Variants in CTNNA2 observed in about 807,000 individuals in gnomAD.
CTNNA2 encodes the protein catenin alpha-2.
Under a neutral mutation model 101.0 loss-of-function variants are expected in CTNNA2, and 42 were observed. That is an observed-to-expected ratio of 0.42 (90% CI 0.32 to 0.54). The LOEUF (loss-of-function observed/expected upper bound fraction) is 0.54. CTNNA2 is among the 20% of genes least tolerant of loss of function. The pLI is 0.14. For missense variants in CTNNA2, 871 were observed against 1,223.1 expected (o/e 0.71, Z 4.29); for synonymous variants, 450 against 456.4 (o/e 0.99, Z 0.18).
intron 18 of CTNNA2, among the ~76,000 whole-genome samples, chr2:80,646,389 C>T (rs1006315601): frequency 6.6e-6 from 1 of 152,084 alleles, no homozygotes; most frequent in Admixed American, 6.6e-5. Flanking sequence ...TCAGACTATG[C>T]TCAAACATCC....
chr2:80,204,435 G>A (rs1395708222), intron 7 of CTNNA2, among the ~76,000 whole-genome samples: 3 of 152,116 alleles, frequency 2.0e-5, no homozygotes, highest in Non-Finnish European at 4.4e-5. Flanking sequence ...TCCCTCTCAA[G>A]TTCAAAGTTT....
intron 7 of CTNNA2, among the ~76,000 whole-genome samples, chr2:80,145,518 CT>C (rs1361774950): frequency 5.3e-5 from 8 of 152,192 alleles, no homozygotes; most frequent in African/African-American, 1.9e-4. Flanking sequence ...TGCCATGTGC[CT>C]ACTCCATATG....
chr2:80,077,025 G>A (rs183767510), intron 7 of CTNNA2, among the ~76,000 whole-genome samples: 27 of 152,198 alleles, frequency 1.8e-4, no homozygotes, highest in Admixed American at 1.3e-3. Flanking sequence ...CAGTCTGAGC[G>A]ACAGAGTGAG....
At chr2:80,172,051 A>G (rs1197512479) in intron 7 of CTNNA2, among the ~76,000 whole-genome samples, 1 of 152,168 alleles carries the variant, frequency 6.6e-6, no homozygotes, top group African/African-American at 2.4e-5. Flanking sequence ...AATCATAGAA[A>G]AGGCAAGCCT....
rs574724836 is a variant in CTNNA2 at position 79,559,622 on chromosome 2, G to A, written c.-6+46415G>A. 2.8e-4 allele frequency among the ~76,000 whole-genome samples: 43 copies of A among 152,034 alleles called. 1 individual carries two copies. Among genetic ancestry groups the A allele is most frequent in the Admixed American group, 2.7e-3 (41 of 15,230 alleles). On this transcript the variant is annotated intron_variant, in intron 1 of 18. Transcript: ENST00000402739. ...AGATGGTGATATCATCAGTGAAGTA[G>A]TGGTGTTTCTTGGCACCTGACAAAG...
intron 4 of CTNNA2, among the ~76,000 whole-genome samples, chr2:79,382,688 C>A (rs926216316): frequency 6.6e-6 from 1 of 152,110 alleles, no homozygotes. Flanking sequence ...ATCTCGGCTC[C>A]CTGCAAGCTC....
chr2:79,767,194 T>C (rs1673229055), intron 3 of CTNNA2, among the ~76,000 whole-genome samples: 1 of 152,088 alleles, frequency 6.6e-6, no homozygotes, highest in Non-Finnish European at 1.5e-5. Context: ...TTCTTGATTC[T>C]TTTTAATTAT....
intron 18 of CTNNA2, among the ~76,000 whole-genome samples, chr2:80,646,911 T>G (rs1222963158): frequency 6.6e-6 from 1 of 152,136 alleles, no homozygotes; most frequent in African/African-American, 2.4e-5. Context: ...ATGCCTATAT[T>G]ATAGAGTTGT....
intron 2 of CTNNA2, among the ~76,000 whole-genome samples, chr2:79,201,006 G>T (rs1333222586): frequency 1.3e-5 from 2 of 152,116 alleles, no homozygotes; most frequent in African/African-American, 4.8e-5. Flanking sequence ...AACAGCTATT[G>T]CTCTTTCAGT....
chr2:80,130,285 A>C (rs531139584), intron 7 of CTNNA2, among the ~76,000 whole-genome samples: 1 of 152,324 alleles, frequency 6.6e-6, no homozygotes, highest in African/African-American at 2.4e-5. Context: ...TCAAGTAATT[A>C]CTACAAATAA....
intron 7 of CTNNA2, among the ~76,000 whole-genome samples, chr2:80,331,271 C>A (rs983419890): frequency 1.3e-5 from 2 of 152,146 alleles, no homozygotes; most frequent in African/African-American, 4.8e-5. Context: ...ACTCATGTGG[C>A]AGGATTTGTG....
At chr2:80,384,711 G>C (rs1276831345) in intron 7 of CTNNA2, among the ~76,000 whole-genome samples, 1 of 151,820 alleles carries the variant, frequency 6.6e-6, no homozygotes, top group Non-Finnish European at 1.5e-5. Flanking sequence ...GGAGAAATAC[G>C]ATATTAAGAT....
At chr2:80,572,508 C>T (rs112471434) in intron 12 of CTNNA2, among the ~76,000 whole-genome samples, 28 of 152,114 alleles carry the variant, frequency 1.8e-4, no homozygotes, top group African/African-American at 6.7e-4. Flanking sequence ...ACGTAGACAC[C>T]GTGGAGTGGC....
At chr2:79,862,188 T>A (rs540070717) in intron 4 of CTNNA2, among the ~76,000 whole-genome samples, 7 of 152,218 alleles carry the variant, frequency 4.6e-5, no homozygotes, top group Non-Finnish European at 8.8e-5. Flanking sequence ...GATAATAATG[T>A]TCTTGATTAT....
intron 12 of CTNNA2, among the ~76,000 whole-genome samples, chr2:80,569,306 C>G (rs1053210971): frequency 7.2e-5 from 11 of 152,022 alleles, no homozygotes; most frequent in Non-Finnish European, 1.3e-4. Flanking sequence ...GTTTTGTGGC[C>G]TAGTGTGTGC....
chr2:80,236,971 C>A (rs545604657), intron 7 of CTNNA2, among the ~76,000 whole-genome samples: 2 of 152,318 alleles, frequency 1.3e-5, no homozygotes, highest in Admixed American at 1.3e-4. Flanking sequence ...CTTTTTCAAA[C>A]CTCTGTTTTA....
chr2:79,744,688 T>G, intron 3 of CTNNA2, 106 bp downstream of exon 3: 1 of 1,109,110 alleles, frequency 9.0e-7, no homozygotes, highest in South Asian at 1.8e-5. Context: ...AGTCTTACGT[T>G]TTTTTCCTTT....
At chr2:79,609,418 T>A (rs965956591) in intron 1 of CTNNA2, among the ~76,000 whole-genome samples, 4 of 152,080 alleles carry the variant, frequency 2.6e-5, no homozygotes, top group Non-Finnish European at 5.9e-5. Context: ...AAAATTCCAG[T>A]AAGATTTTTG....
intron 4 of CTNNA2, among the ~76,000 whole-genome samples, chr2:79,418,480 C>A (rs1678506892): frequency 6.6e-6 from 1 of 152,016 alleles, no homozygotes; most frequent in South Asian, 2.1e-4. Flanking sequence ...AAATCAAATC[C>A]TTTCACGCTA....
Sources: allele counts gnomAD v4.1 joint callset (sites outside exome capture counted in the v4.1 genomes callset), GRCh38; gene constraint gnomAD v4.1.1; transcripts MANE v1.5; gene names NCBI Gene and HGNC (gene_info 2026-07-23, HGNC 2026-07-21).